The following CLSTN2 variants were observed in gnomAD, a reference collection of about 807,000 sequenced individuals.
CLSTN2 encodes the protein calsyntenin-2.
A neutral mutation model predicts 101.2 loss-of-function variants in CLSTN2; 48 were observed. The observed-to-expected ratio is 0.47, with a 90% CI of 0.38 to 0.60. CLSTN2 has a LOEUF of 0.60. Ranked by LOEUF, CLSTN2 falls within the 20% of genes least tolerant of loss-of-function variation. The pLI is 0.00. For missense variants in CLSTN2, 1,160 were observed against 1,238.2 expected (o/e 0.94, Z 0.95); for synonymous variants, 481 against 463.6 (o/e 1.04, Z -0.48).
chr3:140,556,447 G>A, intron 10 of CLSTN2, 66 bp from the exon 11 acceptor site: 1 of 1,529,556 alleles, frequency 6.5e-7, no homozygotes, highest in Admixed American at 1.7e-5. Context: ...TGGACAGGAA[G>A]TGCTCCCATA....
At chr3:140,203,461 G>GTTTTTTTTTTTTTTTTTTTT (rs58182333) in intron 2 of CLSTN2, among the ~76,000 whole-genome samples, 2 of 67,898 alleles carry the variant, frequency 2.9e-5, no homozygotes, top group Admixed American at 2.3e-4. Flanking sequence ...GAAAGTGTGG[G>GTTTTTTTTTTTTTTTTTTTT]TTTTTTTTTT....
intron 1 of CLSTN2, among the ~76,000 whole-genome samples, chr3:139,999,418 G>A (rs955149709): frequency 2.6e-5 from 4 of 151,952 alleles, no homozygotes; most frequent in African/African-American, 9.7e-5. Context: ...CTGACTTCTG[G>A]GGAACCTGGG....
chr3:140,330,828 G>T lies in CLSTN2; in HGVS notation c.233-72801G>T, dbSNP rs961220067. Among the ~76,000 whole-genome samples the T allele has an allele frequency of 2.0e-5, 3 of 152,338 alleles. No individual in the cohort carries two copies. In the East Asian group the frequency reaches 5.8e-4, roughly 29 times the overall value. On this transcript the variant is annotated intron_variant, in intron 2 of 16. Transcript: ENST00000458420. ...TTGCAAGGTGAGAGCATTGTACCCA[G>T]TTGTGTAAGTTGGGCATTGTTCGTA...
chr3:140,529,439 G>A (rs1205361089), intron 8 of CLSTN2, among the ~76,000 whole-genome samples: 1 of 152,296 alleles, frequency 6.6e-6, no homozygotes. Context: ...ATGAACAGTC[G>A]GGAATTGAAG....
At chr3:140,464,805 C>T (rs1050546089) in intron 7 of CLSTN2, among the ~76,000 whole-genome samples, 1 of 152,126 alleles carries the variant, frequency 6.6e-6, no homozygotes, top group Admixed American at 6.5e-5. Flanking sequence ...GAAGCAGTCC[C>T]GGGTGTTTTG....
At chr3:140,337,828 T>A (rs1055679764) in intron 2 of CLSTN2, among the ~76,000 whole-genome samples, 2 of 152,220 alleles carry the variant, frequency 1.3e-5, no homozygotes, top group African/African-American at 2.4e-5. Flanking sequence ...TGGATACTAA[T>A]TGAGCCCTTA....
chr3:140,212,067 A>G (rs1216741189), intron 2 of CLSTN2, among the ~76,000 whole-genome samples: 2 of 151,972 alleles, frequency 1.3e-5, no homozygotes, highest in Non-Finnish European at 2.9e-5. Flanking sequence ...CATGGATCTC[A>G]TGAGGGGCCA....
chr3:140,212,504 G>T (rs1400729794), intron 2 of CLSTN2, among the ~76,000 whole-genome samples: 1 of 152,144 alleles, frequency 6.6e-6, no homozygotes, highest in African/African-American at 2.4e-5. Flanking sequence ...CCTGTTCTGA[G>T]AACCACCCAA....
In CLSTN2 at chr3:140,419,033, T is replaced by TAAA. The variant is rs138286232; in HGVS notation, c.638-2092_638-2091insAAA. Among the ~76,000 whole-genome samples the TAAA allele has an allele frequency of 9.4e-3, 1,273 of 135,276 alleles. 23 individuals carry two copies. Among genetic ancestry groups the TAAA allele is most frequent in the African/African-American group, 0.038 (1,182 of 31,388 alleles). 88.7% of individuals were successfully genotyped at this position (135,276 alleles called of 152,430 possible). On this transcript the variant is annotated intron_variant, in intron 4 of 16. Transcript: ENST00000458420. The stretch of plus-strand genomic sequence containing the variant: ...TATTGTGTAATTGGTGGACCTTTTT[T>TAAA]TAAAAAAAAAATCTTTCAAGCATTA...
intron 2 of CLSTN2, among the ~76,000 whole-genome samples, chr3:140,232,450 G>T (rs1320541322): frequency 1.3e-5 from 2 of 151,792 alleles, no homozygotes; most frequent in South Asian, 2.1e-4. Context: ...CTCCCCAGGG[G>T]TCCCCTTGGA....
intron 7 of CLSTN2, among the ~76,000 whole-genome samples, chr3:140,461,559 T>C (rs539866231): frequency 1.3e-5 from 2 of 152,276 alleles, no homozygotes; most frequent in Admixed American, 1.3e-4. Flanking sequence ...ATAACACAGA[T>C]GATTACCAAG....
intron 2 of CLSTN2, among the ~76,000 whole-genome samples, chr3:140,186,836 AT>A (rs1348331366): frequency 6.6e-6 from 1 of 152,116 alleles, no homozygotes; most frequent in Admixed American, 6.5e-5. Flanking sequence ...ATTTTTTTTA[AT>A]GGAAAGGTGA....
At chr3:140,112,061 C>T (rs1322535264) in intron 1 of CLSTN2, among the ~76,000 whole-genome samples, 1 of 152,212 alleles carries the variant, frequency 6.6e-6, no homozygotes, top group East Asian at 1.9e-4. Flanking sequence ...CACTGCTATG[C>T]CTTGGCTCAA....
intron 8 of CLSTN2, among the ~76,000 whole-genome samples, chr3:140,468,457 C>T (rs1933761067): frequency 6.6e-6 from 1 of 152,204 alleles, no homozygotes; most frequent in Non-Finnish European, 1.5e-5. Context: ...GTGAATCTAG[C>T]AGGTTCTAAC....
intron 2 of CLSTN2, among the ~76,000 whole-genome samples, chr3:140,368,433 G>T (rs111411910): frequency 6.6e-6 from 1 of 152,114 alleles, no homozygotes; most frequent in Admixed American, 6.5e-5. Flanking sequence ...GGCTGGATGC[G>T]CCCTTAACCA....
At chr3:140,047,645 G>A (rs891974356) in intron 1 of CLSTN2, among the ~76,000 whole-genome samples, 1 of 152,160 alleles carries the variant, frequency 6.6e-6, no homozygotes, top group African/African-American at 2.4e-5. Context: ...ATCTGGTAAG[G>A]ATCTTCTCAC....
At chr3:140,349,668 C>T (rs2087585455) in intron 2 of CLSTN2, among the ~76,000 whole-genome samples, 1 of 152,212 alleles carries the variant, frequency 6.6e-6, no homozygotes, top group South Asian at 2.1e-4. Context: ...GTTGCTCAGA[C>T]ATTTGAAAGT....
chr3:139,984,594 C>T (rs1935991050), intron 1 of CLSTN2, among the ~76,000 whole-genome samples: 1 of 152,096 alleles, frequency 6.6e-6, no homozygotes, highest in Admixed American at 6.6e-5. Flanking sequence ...TTCCTCTTAC[C>T]TCCCACACCA....
chr3:139,992,760 C>A (rs1310227353), intron 1 of CLSTN2, among the ~76,000 whole-genome samples: 3 of 152,212 alleles, frequency 2.0e-5, no homozygotes, highest in Non-Finnish European at 4.4e-5. Context: ...AATATGAAGC[C>A]AGGAGCTCTG....
Sources: allele counts gnomAD v4.1 joint callset (sites outside exome capture counted in the v4.1 genomes callset), GRCh38; gene constraint gnomAD v4.1.1; transcripts MANE v1.5; gene names NCBI Gene and HGNC (gene_info 2026-07-23, HGNC 2026-07-21).